The following PSEN1 variants were observed in gnomAD, a reference collection of about 807,000 sequenced individuals.
The protein encoded by PSEN1 is presenilin-1.
PSEN1 carries 15 observed loss-of-function variants against 53.5 expected under a neutral mutation model. That is an observed-to-expected ratio of 0.28 (90% CI 0.19 to 0.43). PSEN1 has a LOEUF of 0.43. Among genes scored for constraint, PSEN1 ranks in the 20% least tolerant of loss-of-function variants. PSEN1 has a pLI of 1.00. For missense variants in PSEN1, 387 were observed against 571.2 expected, an observed-to-expected ratio of 0.68 and a Z score of 3.29; for synonymous variants, 208 against 209.8, an observed-to-expected ratio of 0.99 and a Z score of 0.08.
At chr14:73,202,463 T>TATATATA (rs1491391826) in intron 8 of PSEN1, among the ~76,000 whole-genome samples, 21 of 10,246 alleles carry the variant, frequency 2.0e-3, no homozygotes, top group African/African-American at 8.9e-3. Flanking sequence ...TATATATATA[T>TATATATA]TTTTTTTTTT....
intron 3 of PSEN1, among the ~76,000 whole-genome samples, chr14:73,170,068 T>C (rs1897841496): frequency 1.3e-5 from 2 of 152,216 alleles, no homozygotes; most frequent in Non-Finnish European, 2.9e-5. Flanking sequence ...TGCCATGGCA[T>C]CTGTAAACTG....
At chr14:73,168,342 G>C (rs1040149081) in intron 3 of PSEN1, 5 of 150,866 alleles carry the variant, frequency 3.3e-5, no homozygotes, top group African/African-American at 9.8e-5. Flanking sequence ...GCAACCGAGT[G>C]AGACTCTGTC....
chr14:73,158,294 A>ATCTG (rs1249683873), intron 3 of PSEN1, among the ~76,000 whole-genome samples: 3 of 145,910 alleles, frequency 2.1e-5, no homozygotes, highest in African/African-American at 7.8e-5. Context: ...CTATCTATCT[A>ATCTG]TCTATCTATC....
In PSEN1 at chr14:73,223,269, G is replaced by A. The variant is rs147903216; in HGVS notation, c.*3980G>A. 31 of 152,370 alleles carry A rather than the reference G, an allele frequency of 2.0e-4. 1 individual carries two copies. Among genetic ancestry groups the A allele is most frequent in the African/African-American group, 7.5e-4 (31 of 41,590 alleles). 9.4% of individuals were successfully genotyped at this position (152,370 alleles called of 1,614,324 possible). A position where few individuals can be genotyped will look rare whatever the true frequency, so the allele number is the denominator to read the frequency against. ...TCAAAGCTGTCTCCCACAGCCTTGG[G>A]CAGCAGGGTGCCTCTTAGTGGATGT... On this transcript the variant is annotated 3_prime_UTR_variant, in exon 12 of 12. Coordinates refer to ENST00000324501, the MANE Select transcript of PSEN1 (RefSeq NM_000021.4).
intron 1 of PSEN1, among the ~76,000 whole-genome samples, chr14:73,144,092 A>G (rs1168185642): frequency 3.8e-5 from 5 of 131,844 alleles, no homozygotes. Context: ...CCAGGCAGGA[A>G]TGCAGTGGCG....
chr14:73,202,771 C>G (rs1288664519), intron 8 of PSEN1, among the ~76,000 whole-genome samples: 5 of 151,522 alleles, frequency 3.3e-5, no homozygotes, highest in Non-Finnish European at 5.9e-5. Context: ...CGTGCCCAGC[C>G]TATCATATAT....
chr14:73,140,684 C>T (rs180833819), intron 1 of PSEN1, among the ~76,000 whole-genome samples: 6 of 152,082 alleles, frequency 3.9e-5, no homozygotes, highest in Non-Finnish European at 8.8e-5. Context: ...TTGCATAGTA[C>T]CTTTACAAAA....
At chr14:73,190,009 C>T (rs898086815) in intron 6 of PSEN1, 1 of 153,194 alleles carries the variant, frequency 6.5e-6, no homozygotes, top group African/African-American at 2.4e-5. Flanking sequence ...GGCTCCAGGC[C>T]CTCTCCAGCT....
intron 5 of PSEN1, among the ~76,000 whole-genome samples, chr14:73,175,149 G>A (rs541274268): frequency 3.3e-5 from 5 of 151,842 alleles, no homozygotes; most frequent in East Asian, 1.9e-4. Context: ...TCCCCGAGAC[G>A]AAGTCTCGCT....
intron 5 of PSEN1, among the ~76,000 whole-genome samples, chr14:73,184,715 C>T (rs1172086239): frequency 4.0e-5 from 6 of 149,182 alleles, no homozygotes; most frequent in African/African-American, 1.3e-4. Context: ...ACCTCCCTCC[C>T]GGATGGGGCG....
chr14:73,152,538 C>T (rs1434271072), intron 3 of PSEN1, among the ~76,000 whole-genome samples: 1 of 151,390 alleles, frequency 6.6e-6, no homozygotes, highest in Non-Finnish European at 1.5e-5. Flanking sequence ...ACCCAGGACT[C>T]AGAGGTTGCA....
At chr14:73,158,447 T>G (rs1018102162) in intron 3 of PSEN1, among the ~76,000 whole-genome samples, 16 of 152,106 alleles carry the variant, frequency 1.1e-4, no homozygotes, top group Non-Finnish European at 2.1e-4. Flanking sequence ...TGTCCCAGCC[T>G]CCCCAGTAGC....
rs1897087544 is a variant in PSEN1 at position 73,146,937 on chromosome 14, T to C, written c.-135-858T>C. ...TAAGGTAGACAGGCAAATGGGAATG[T>C]GGCCCCCCTAGGAGGGTGAACTCTG... On this transcript the variant is annotated intron_variant, in intron 1 of 11. Transcript: ENST00000324501. 1.3e-5 allele frequency among the ~76,000 whole-genome samples: 2 copies of C among 152,020 alleles called. 1 individual carries two copies. The highest frequency in any genetic ancestry group is 4.1e-4 in the South Asian group (2 of 4,824).
At chr14:73,206,348 T>C in intron 8 of PSEN1, 38 bp from the exon 9 acceptor site, 1 of 1,436,824 alleles carries the variant, frequency 7.0e-7, no homozygotes, top group Non-Finnish European at 9.8e-7. Flanking sequence ...ATACTTTGTG[T>C]GTCCAGTGCT....
intron 3 of PSEN1, among the ~76,000 whole-genome samples, chr14:73,161,839 A>G (rs1897547933): frequency 6.6e-6 from 1 of 152,050 alleles, no homozygotes; most frequent in South Asian, 2.1e-4. Context: ...GCATGACCCA[A>G]TGCCTCATGT....
intron 1 of PSEN1, among the ~76,000 whole-genome samples, chr14:73,138,787 A>G (rs214278): frequency 0.75 from 110,208 of 146,028 alleles, 42,778 homozygotes; most frequent in African/African-American, 0.94. Flanking sequence ...GTGAAACCCC[A>G]TCTCTACTAA....
At chr14:73,207,069 CCAG>C (rs1899483481) in intron 9 of PSEN1, among the ~76,000 whole-genome samples, 1 of 151,836 alleles carries the variant, frequency 6.6e-6, no homozygotes, top group South Asian at 2.1e-4. Flanking sequence ...GCCTGTAGTC[CCAG>C]CTACATGGCC....
intron 9 of PSEN1, among the ~76,000 whole-genome samples, chr14:73,207,844 C>G (rs1306044341): frequency 2.6e-5 from 4 of 152,222 alleles, no homozygotes; most frequent in Admixed American, 2.6e-4. Context: ...GTGCAGGGTC[C>G]AGCCACTGCA....
intron 6 of PSEN1, among the ~76,000 whole-genome samples, chr14:73,188,588 A>G (rs1351530717): frequency 6.6e-6 from 1 of 152,182 alleles, no homozygotes; most frequent in East Asian, 1.9e-4. Flanking sequence ...TCAAGGCTGC[A>G]GTGAGCTATG....
Sources: allele counts gnomAD v4.1 joint callset (sites outside exome capture counted in the v4.1 genomes callset), GRCh38; gene constraint gnomAD v4.1.1; transcripts MANE v1.5; gene names NCBI Gene and HGNC (gene_info 2026-07-23, HGNC 2026-07-21).